The following MBNL2 variants were observed in gnomAD, a reference collection of about 807,000 sequenced individuals.
The protein encoded by MBNL2 is muscleblind like splicing regulator 2, also known as muscleblind-like protein 2.
In MBNL2, 17 loss-of-function variants were observed where a neutral mutation model predicts 41.9. That is an observed-to-expected ratio of 0.41 (90% CI 0.28 to 0.61). The LOEUF is 0.61. MBNL2 is among the 20% of genes least tolerant of loss of function. The pLI is 0.35. For missense variants in MBNL2, 336 were observed against 505.6 expected, an observed-to-expected ratio of 0.66 and a Z score of 3.22; for synonymous variants, 195 against 182.9, an observed-to-expected ratio of 1.07 and a Z score of -0.53.
chr13:97,151,906 A>G, the MBNL2 span, among the ~76,000 whole-genome samples: 1 of 152,180 alleles, frequency 6.6e-6, no homozygotes, highest in Non-Finnish European at 1.5e-5. Flanking sequence ...ATTACAATAT[A>G]GTATATTTCA....
intron 2 of MBNL2, among the ~76,000 whole-genome samples, chr13:97,294,657 A>G (rs1416720715): frequency 6.6e-6 from 1 of 152,224 alleles, no homozygotes; most frequent in Non-Finnish European, 1.5e-5. Context: ...CTGTAGCTGC[A>G]TGGCCAAATT....
intron 2 of MBNL2, among the ~76,000 whole-genome samples, chr13:97,297,332 C>T (rs748135513): frequency 1.3e-5 from 2 of 152,142 alleles, no homozygotes; most frequent in African/African-American, 2.4e-5. Context: ...AGCCAACTGC[C>T]GTACAGTATG....
chr13:97,185,490 A>T, the MBNL2 span, among the ~76,000 whole-genome samples: 15 of 152,288 alleles, frequency 9.8e-5, no homozygotes, highest in East Asian at 2.3e-3. Context: ...AGATCTGAAG[A>T]TTATCTTGGA....
chr13:97,172,009 CCT>C, the MBNL2 span, among the ~76,000 whole-genome samples: 1 of 152,178 alleles, frequency 6.6e-6, no homozygotes, highest in Non-Finnish European at 1.5e-5. Context: ...GTCCATTAAA[CCT>C]CTTTTTCCTT....
At position 97,222,408 on chromosome 13, in the gene MBNL2, G is replaced by A. The variant is rs1212660994; in HGVS notation, c.-728G>A. On this transcript the variant is annotated 5_prime_UTR_variant, in exon 1 of 9. Coordinates refer to ENST00000679496, the MANE Select transcript of MBNL2 (RefSeq NM_001382683.1). ...ACGGCTTTCAGAGTACAATAAACAG[G>A]GAATGAGAACTATTTACATGGAAGT... 1 of 398,508 alleles carries A rather than the reference G, an allele frequency of 2.5e-6. No homozygotes were observed. The highest frequency in any genetic ancestry group is 4.4e-6 in the Non-Finnish European group (1 of 226,086). 24.7% of individuals were successfully genotyped at this position (398,508 alleles called of 1,614,324 possible).
intron 1 of MBNL2, among the ~76,000 whole-genome samples, chr13:97,252,804 CAT>C (rs997614212): frequency 6.6e-6 from 1 of 152,146 alleles, no homozygotes; most frequent in African/African-American, 2.4e-5. Flanking sequence ...GCTATATAAT[CAT>C]ATCATCTGAA....
At chr13:97,148,476 G>A in the MBNL2 span, among the ~76,000 whole-genome samples, 1 of 152,162 alleles carries the variant, frequency 6.6e-6, no homozygotes, top group African/African-American at 2.4e-5. Context: ...ATAATGATGT[G>A]TCAATGTAGG....
rs556591991 is a variant in MBNL2 at position 97,361,224 on chromosome 13, G to A, written c.1012+3589G>A. ...AGCATGTGCACCAGGTGGTGGTTACGAAGGATATGGAGAAACAAGACTTTC... is the reference window on the plus strand; with the variant it reads ...AGCATGTGCACCAGGTGGTGGTTACAAAGGATATGGAGAAACAAGACTTTC... On this transcript the variant is annotated intron_variant, in intron 7 of 8. Transcript: ENST00000679496. 6.6e-5 allele frequency among the ~76,000 whole-genome samples: 10 copies of A among 152,316 alleles called. No homozygotes were observed. In the East Asian group the frequency reaches 7.7e-4, roughly 12 times the overall value.
chr13:97,216,946 A>G (rs1395181597), upstream of MBNL2, among the ~76,000 whole-genome samples: 2 of 149,326 alleles, frequency 1.3e-5, no homozygotes, highest in Non-Finnish European at 1.5e-5. Context: ...TATAATATGC[A>G]TATTATATAC....
At chr13:97,192,285 C>A in the MBNL2 span, among the ~76,000 whole-genome samples, 1 of 152,166 alleles carries the variant, frequency 6.6e-6, no homozygotes, top group Non-Finnish European at 1.5e-5. Context: ...TCTGACCCCA[C>A]CCCTACGTTT....
intron 7 of MBNL2, among the ~76,000 whole-genome samples, chr13:97,358,522 T>TA (rs996610267): frequency 6.6e-6 from 1 of 151,922 alleles, no homozygotes; most frequent in Non-Finnish European, 1.5e-5. Flanking sequence ...CAGATAAAAG[T>TA]AAAAAAACAA....
intron 5 of MBNL2, among the ~76,000 whole-genome samples, chr13:97,354,139 T>C (rs1324685883): frequency 1.6e-5 from 2 of 126,232 alleles, no homozygotes; most frequent in Non-Finnish European, 3.2e-5. Context: ...AGCCTCAGAA[T>C]GTTGGTGAGG....
At chr13:97,381,109 C>G (rs2065414481) in intron 8 of MBNL2, among the ~76,000 whole-genome samples, 1 of 146,004 alleles carries the variant, frequency 6.8e-6, no homozygotes, top group Non-Finnish European at 1.5e-5. Context: ...CTCTCTCCCT[C>G]TCTCTGACAC....
At chr13:97,246,680 C>G (rs75219033) in intron 1 of MBNL2, among the ~76,000 whole-genome samples, 1 of 152,104 alleles carries the variant, frequency 6.6e-6, no homozygotes, top group South Asian at 2.1e-4. Context: ...CACCCCACCC[C>G]GAAGAGGCAT....
At chr13:97,306,789 T>C (rs185638791) in intron 2 of MBNL2, among the ~76,000 whole-genome samples, 1 of 152,342 alleles carries the variant, frequency 6.6e-6, no homozygotes, top group Admixed American at 6.5e-5. Flanking sequence ...GCATGGGAAG[T>C]AGACAGCCTT....
intron 2 of MBNL2, among the ~76,000 whole-genome samples, chr13:97,295,565 T>C (rs923069406): frequency 3.9e-5 from 6 of 152,192 alleles, no homozygotes; most frequent in Non-Finnish European, 7.3e-5. Flanking sequence ...CCATTATAGT[T>C]TGTTACATAT....
At chr13:97,218,576 G>A (rs1320163475), upstream of MBNL2, among the ~76,000 whole-genome samples, 1 of 151,754 alleles carries the variant, frequency 6.6e-6, no homozygotes, top group Non-Finnish European at 1.5e-5. Context: ...TCTTTCCTCT[G>A]GCCACCTCCT....
chr13:97,188,954 C>A, the MBNL2 span, among the ~76,000 whole-genome samples: 5 of 152,176 alleles, frequency 3.3e-5, no homozygotes, highest in Non-Finnish European at 7.3e-5. Flanking sequence ...CCTCTGGGAC[C>A]CTTCTATTCC....
intron 2 of MBNL2, among the ~76,000 whole-genome samples, chr13:97,279,569 T>G (rs755932396): frequency 2.6e-5 from 4 of 152,242 alleles, no homozygotes; most frequent in Non-Finnish European, 5.9e-5. Context: ...TGAATGATAG[T>G]ACCTCAATTA....
Sources: gnomAD v4.1 joint callset for allele counts (sites outside exome capture counted in the v4.1 genomes callset) on GRCh38, gnomAD v4.1.1 for gene constraint, MANE v1.5 for transcripts, NCBI Gene and HGNC (gene_info 2026-07-23, HGNC 2026-07-21) for gene names.